The following TTLL5 variants were observed in gnomAD, a reference collection of about 807,000 sequenced individuals.
The protein encoded by TTLL5 is tubulin polyglutamylase TTLL5.
Under a neutral mutation model 168.4 loss-of-function variants are expected in TTLL5, and 132 were observed. The observed-to-expected ratio is 0.78, with a 90% CI of 0.68 to 0.91. The LOEUF is 0.91. Among genes scored for constraint, TTLL5 ranks in the 40% least tolerant of loss-of-function variants. TTLL5 has a pLI of 0.00. For synonymous variants in TTLL5, 546 were observed against 558.6 expected (o/e 0.98, Z 0.32); for missense variants, 1,545 against 1,581.5 (o/e 0.98, Z 0.39).
chr14:75,694,617 A>G (rs1349820353), intron 6 of TTLL5, among the ~76,000 whole-genome samples: 1 of 152,188 alleles, frequency 6.6e-6, no homozygotes, highest in African/African-American at 2.4e-5. Flanking sequence ...TACAGGCATA[A>G]GCCACTGCGC....
chr14:75,819,908 C>A, intron 27 of TTLL5, 99 bp from the exon 28 acceptor site: 3 of 1,329,640 alleles, frequency 2.3e-6, no homozygotes, highest in Non-Finnish European at 3.1e-6. Context: ...TCAGAGGGGT[C>A]AGCATCTGTT....
intron 30 of TTLL5, among the ~76,000 whole-genome samples, chr14:75,883,991 A>G (rs1010775034): frequency 1.3e-5 from 2 of 152,204 alleles, no homozygotes; most frequent in African/African-American, 4.8e-5. Flanking sequence ...CTTTACTAAT[A>G]TGATACCTTC....
intron 9 of TTLL5, among the ~76,000 whole-genome samples, chr14:75,714,879 T>C (rs1887323401): frequency 6.6e-6 from 1 of 152,218 alleles, no homozygotes; most frequent in South Asian, 2.1e-4. Context: ...ACCCTGGCCA[T>C]GAGCAGAGTT....
At chr14:75,726,012 C>T (rs1161626324) in intron 12 of TTLL5, among the ~76,000 whole-genome samples, 4 of 152,154 alleles carry the variant, frequency 2.6e-5, no homozygotes, top group Non-Finnish European at 5.9e-5. Context: ...TTCCTTCATA[C>T]AATAGCATTT....
At chr14:75,893,512 T>C (rs1456462716) in intron 30 of TTLL5, among the ~76,000 whole-genome samples, 2 of 152,186 alleles carry the variant, frequency 1.3e-5, no homozygotes, top group Admixed American at 6.5e-5. Context: ...TATACATAGC[T>C]AAACTGGCAT....
chr14:75,709,431 G>T, intron 9 of TTLL5: 1 of 476,256 alleles, frequency 2.1e-6, no homozygotes, highest in South Asian at 2.4e-5. Flanking sequence ...TATAAGTCCT[G>T]TCATATTCTT....
chr14:75,953,463 A>G (rs1301977245), intron 31 of TTLL5, among the ~76,000 whole-genome samples: 2 of 152,266 alleles, frequency 1.3e-5, no homozygotes, highest in Admixed American at 1.3e-4. Flanking sequence ...ACAAAATTCA[A>G]AGCCACATAA....
chr14:75,904,546 A>G (rs1346190091), intron 31 of TTLL5, among the ~76,000 whole-genome samples: 1 of 152,176 alleles, frequency 6.6e-6, no homozygotes, highest in East Asian at 1.9e-4. Flanking sequence ...CAGCATCTTG[A>G]CCGTGAATTA....
intron 17 of TTLL5, 124 bp downstream of exon 17, chr14:75,745,705 A>G: frequency 1.4e-6 from 1 of 729,692 alleles, no homozygotes; most frequent in East Asian, 2.7e-5. Flanking sequence ...TTATAATATG[A>G]TAAATATTAT....
chr14:75,665,970 A>G (rs1295924229), intron 2 of TTLL5, among the ~76,000 whole-genome samples: 1 of 152,232 alleles, frequency 6.6e-6, no homozygotes, highest in East Asian at 1.9e-4. Flanking sequence ...AATTTCTAGT[A>G]AAAGTTAGTG....
At chr14:75,951,617 C>T (rs929757210) in intron 31 of TTLL5, among the ~76,000 whole-genome samples, 2 of 151,788 alleles carry the variant, frequency 1.3e-5, no homozygotes, top group Non-Finnish European at 2.9e-5. Flanking sequence ...AAAAACTAGC[C>T]CAGGCATGGT....
intron 17 of TTLL5, among the ~76,000 whole-genome samples, chr14:75,748,557 A>G (rs777986348): frequency 5.3e-5 from 8 of 152,208 alleles, no homozygotes; most frequent in Non-Finnish European, 1.0e-4. Flanking sequence ...GCCTTAAAAT[A>G]TGTGAGCCAG....
In TTLL5 at chr14:75,863,750, A is replaced by G. The variant is rs746857132; in HGVS notation, c.3410A>G (p.His1137Arg). The G allele has an allele frequency of 6.2e-7, 1 of 1,613,892 alleles. No individual in the cohort carries two copies. Reference protein sequence around the residue: ...YSQATGVVPQHKYHPTAGSYQ... With the variant: ...YSQATGVVPQRKYHPTAGSYQ... ...CAGGCTACAGGGGTGGTCCCCCAGC[A>G]CAAGTATCACCCCACAGCAGGCAGC... The change falls in exon 29 of 32, where the codon CAC becomes CGC. Residue 1137 changes from histidine to arginine, a missense_variant. By Grantham distance (29) the His-to-Arg change is conservative (BLOSUM62 0). Transcript: ENST00000298832.
rs1021298238 is a variant in TTLL5, at chr14:75,707,047, T to C, written c.615T>C (p.Ile205=). 8.1e-6 allele frequency: 13 copies of C among 1,612,726 alleles called. No individual in the cohort carries two copies. Among genetic ancestry groups the C allele is most frequent in the Non-Finnish European group, 1.1e-5 (13 of 1,179,214 alleles). ...ACCAGATCTCCCTGGAAGAGAACAT[T>C]TTGGTCTCCCGTTACATTAACAACC... ...NPNQISLEEN[I]LVSRYINNPL... Residue 205 remains isoleucine (I), a synonymous_variant, in exon 8 of 32, where the codon ATT becomes ATC. Coordinates refer to ENST00000298832, the MANE Select transcript of TTLL5 (RefSeq NM_015072.5).
intron 7 of TTLL5, among the ~76,000 whole-genome samples, chr14:75,701,490 T>C (rs1886271375): frequency 6.6e-6 from 1 of 152,200 alleles, no homozygotes; most frequent in Non-Finnish European, 1.5e-5. Context: ...GGGCAAAACA[T>C]GTTGACTCTC....
chr14:75,866,220 A>T (rs2030504988), intron 29 of TTLL5, among the ~76,000 whole-genome samples: 1 of 152,226 alleles, frequency 6.6e-6, no homozygotes, highest in Non-Finnish European at 1.5e-5. Flanking sequence ...ATACCTTTGT[A>T]GCTTAGCTGT....
chr14:75,709,395 C>T (rs762143887), intron 9 of TTLL5: 9 of 550,094 alleles, frequency 1.6e-5, no homozygotes, highest in African/African-American at 9.4e-5. Context: ...GTGTTCCGTT[C>T]GCCTCTAGGT....
chr14:75,853,924 A>G (rs754170603), intron 28 of TTLL5, among the ~76,000 whole-genome samples: 7 of 152,036 alleles, frequency 4.6e-5, no homozygotes, highest in Non-Finnish European at 8.8e-5. Flanking sequence ...CACACTTGCA[A>G]TCCCATCTGC....
chr14:75,929,772 T>C (rs940654744), intron 31 of TTLL5, among the ~76,000 whole-genome samples: 2 of 152,172 alleles, frequency 1.3e-5, no homozygotes, highest in African/African-American at 4.8e-5. Flanking sequence ...TATTTTTCAC[T>C]CAGCATTTCT....
Sources: gnomAD v4.1 joint callset for allele counts (sites outside exome capture counted in the v4.1 genomes callset) on GRCh38, gnomAD v4.1.1 for gene constraint, MANE v1.5 for transcripts, NCBI Gene and HGNC (gene_info 2026-07-23, HGNC 2026-07-21) for gene names.